PHTF2: variants seen among roughly 807,000 people sequenced by gnomAD.
The protein encoded by PHTF2 is putative homeodomain transcription factor 2.
Under a neutral mutation model 101.2 loss-of-function variants are expected in PHTF2, and 60 were observed. The ratio of observed to expected loss-of-function variants is 0.59; its 90% CI spans 0.48 to 0.73. The LOEUF is 0.73. PHTF2 is among the 30% of genes least tolerant of loss of function. The pLI is 0.00. For missense variants in PHTF2, 747 were observed against 908.7 expected (o/e 0.82, Z 2.29); for synonymous variants, 311 against 307.3 (o/e 1.01, Z -0.13).
chr7:77,808,293 T>C (rs1793150287), intron 1 of PHTF2, among the ~76,000 whole-genome samples: 1 of 152,192 alleles, frequency 6.6e-6, no homozygotes, highest in African/African-American at 2.4e-5. Context: ...TTTAACAATA[T>C]TAAGTTTTTC....
intron 3 of PHTF2, among the ~76,000 whole-genome samples, chr7:77,882,549 G>C (rs374277865): frequency 4.3e-4 from 66 of 152,170 alleles, no homozygotes; most frequent in African/African-American, 1.5e-3. Context: ...TTATTCCATG[G>C]TTTAGACTTC....
chr7:77,915,179 G>T (rs1161462251), intron 9 of PHTF2, among the ~76,000 whole-genome samples: 1 of 151,560 alleles, frequency 6.6e-6, no homozygotes, highest in Non-Finnish European at 1.5e-5. Flanking sequence ...AAAGTGCTGG[G>T]ATTACAGGCG....
intron 1 of PHTF2, among the ~76,000 whole-genome samples, chr7:77,826,728 A>G (rs528690452): frequency 7.4e-4 from 112 of 152,318 alleles, no homozygotes; most frequent in African/African-American, 2.6e-3. Flanking sequence ...TGCCAGCACA[A>G]TTTTCAAAGA....
intron 3 of PHTF2, among the ~76,000 whole-genome samples, chr7:77,877,713 G>A (rs1584566152): frequency 6.6e-6 from 1 of 152,152 alleles, no homozygotes; most frequent in Non-Finnish European, 1.5e-5. Flanking sequence ...CACCACATGC[G>A]TAAACTGTGC....
intron 3 of PHTF2, among the ~76,000 whole-genome samples, chr7:77,866,567 T>A (rs149115689): frequency 6.6e-6 from 1 of 152,180 alleles, no homozygotes; most frequent in Non-Finnish European, 1.5e-5. Context: ...TTTTACCATC[T>A]GTAAAACCTG....
At chr7:77,867,658 C>G (rs546240976) in intron 3 of PHTF2, among the ~76,000 whole-genome samples, 55 of 152,228 alleles carry the variant, frequency 3.6e-4, no homozygotes, top group African/African-American at 1.3e-3. Flanking sequence ...ACTTTCTATC[C>G]AAGGTGGGGG....
intron 3 of PHTF2, among the ~76,000 whole-genome samples, chr7:77,871,380 A>C (rs1798505607): frequency 6.6e-6 from 1 of 152,260 alleles, no homozygotes; most frequent in East Asian, 1.9e-4. Context: ...TGTTGACTTA[A>C]AGGTAGGGGG....
intron 1 of PHTF2, among the ~76,000 whole-genome samples, chr7:77,826,218 G>C (rs1294915820): frequency 2.0e-5 from 3 of 152,032 alleles, no homozygotes; most frequent in Non-Finnish European, 2.9e-5. Context: ...TATACAAAGA[G>C]AAAAAAATTC....
exon 14 of PHTF2, chr7:77,940,279 G>A: frequency 1.9e-6 from 3 of 1,612,264 alleles, no homozygotes; most frequent in Non-Finnish European, 2.5e-6. Flanking sequence ...TTTGCTCTGT[G>A]TAGCAGAAAG....
chr7:77,913,383 G>A (rs1297256273), intron 9 of PHTF2, among the ~76,000 whole-genome samples: 1 of 132,272 alleles, frequency 7.6e-6, no homozygotes, highest in African/African-American at 2.9e-5. Flanking sequence ...GCGAGACTCT[G>A]TCTGAAAAAA....
At chr7:77,851,064 GT>G (rs752972069) in intron 2 of PHTF2, among the ~76,000 whole-genome samples, 54 of 152,124 alleles carry the variant, frequency 3.5e-4, no homozygotes, top group Non-Finnish European at 6.0e-4. Context: ...CTGGCCCATA[GT>G]TTTCTTTTTT....
At chr7:77,830,529 A>G (rs966702299) in intron 1 of PHTF2, among the ~76,000 whole-genome samples, 5 of 152,280 alleles carry the variant, frequency 3.3e-5, no homozygotes, top group Non-Finnish European at 5.9e-5. Flanking sequence ...TTAGATTCTC[A>G]TAAGAGTGCG....
intron 12 of PHTF2, among the ~76,000 whole-genome samples, chr7:77,937,469 G>A (rs993133893): frequency 6.6e-6 from 1 of 152,030 alleles, no homozygotes; most frequent in Non-Finnish European, 1.5e-5. Flanking sequence ...TCTGTTCAGT[G>A]TATATGCTAA....
chr7:77,833,034 G>A (rs889452692), intron 1 of PHTF2, among the ~76,000 whole-genome samples: 1 of 152,088 alleles, frequency 6.6e-6, no homozygotes, highest in Non-Finnish European at 1.5e-5. Flanking sequence ...ATGGAATTTG[G>A]TCTCTGTCTC....
chr7:77,867,667 G>A (rs1798176144), intron 3 of PHTF2, among the ~76,000 whole-genome samples: 1 of 152,162 alleles, frequency 6.6e-6, no homozygotes, highest in South Asian at 2.1e-4. Context: ...CCAAGGTGGG[G>A]GAAAGGGCGC....
intron 3 of PHTF2, among the ~76,000 whole-genome samples, chr7:77,886,356 T>C (rs553768404): frequency 6.6e-6 from 1 of 152,336 alleles, no homozygotes; most frequent in Admixed American, 6.5e-5. Flanking sequence ...TACCATCATA[T>C]TCATAAGAAA....
chr7:77,936,243 A>T (rs1282264955), intron 12 of PHTF2, among the ~76,000 whole-genome samples: 1 of 152,132 alleles, frequency 6.6e-6, no homozygotes, highest in African/African-American at 2.4e-5. Flanking sequence ...TTTTTTTACC[A>T]TATTTTAATC....
At chr7:77,847,042 T>C (rs1796360307) in intron 2 of PHTF2, among the ~76,000 whole-genome samples, 1 of 152,228 alleles carries the variant, frequency 6.6e-6, no homozygotes, top group Admixed American at 6.5e-5. Context: ...TAGGACTTTA[T>C]GAACCATAAA....
At chr7:77,919,851 T>C (rs1392037150) in intron 9 of PHTF2, among the ~76,000 whole-genome samples, 1 of 152,198 alleles carries the variant, frequency 6.6e-6, no homozygotes, top group Non-Finnish European at 1.5e-5. Context: ...TATATTAAAA[T>C]GAGTTGTATA....
Sources: gnomAD v4.1 joint callset for allele counts (sites outside exome capture counted in the v4.1 genomes callset) on GRCh38, gnomAD v4.1.1 for gene constraint, MANE v1.5 for transcripts, NCBI Gene and HGNC (gene_info 2026-07-23, HGNC 2026-07-21) for gene names.